The following OTUD4 variants were observed in gnomAD, a reference collection of about 807,000 sequenced individuals.
OTUD4 encodes the protein OTU deubiquitinase 4.
OTUD4 carries 24 observed loss-of-function variants against 130.4 expected under a neutral mutation model. That is an observed-to-expected ratio of 0.18 (90% CI 0.13 to 0.26). The LOEUF is 0.26. Ranked by LOEUF, OTUD4 falls within the 10% of genes least tolerant of loss-of-function variation. The probability of loss-of-function intolerance (pLI) is 1.00; values close to 1 mark genes in which losing one functional copy is unlikely to be tolerated. For missense variants in OTUD4, 1,031 were observed against 1,329.4 expected (o/e 0.78, Z 3.49); for synonymous variants, 420 against 472.5 (o/e 0.89, Z 1.44).
chr4:145,175,029 C>G (rs1441404525), intron 1 of OTUD4, among the ~76,000 whole-genome samples: 1 of 152,190 alleles, frequency 6.6e-6, no homozygotes, highest in African/African-American at 2.4e-5. Context: ...CACTCTCTTC[C>G]CTTGGCCTTC....
At chr4:145,166,495 C>T (rs1751881846) in intron 3 of OTUD4, among the ~76,000 whole-genome samples, 1 of 149,326 alleles carries the variant, frequency 6.7e-6, no homozygotes, top group African/African-American at 2.5e-5. Context: ...TTATTTGTAA[C>T]AGTGTTTAAA....
chr4:145,143,487 C>G (rs1750682619), intron 16 of OTUD4, 42 bp from the exon 17 acceptor site: 4 of 1,182,716 alleles, frequency 3.4e-6, no homozygotes, highest in Non-Finnish European at 5.0e-6. Flanking sequence ...ATTTCAGAGA[C>G]CCACATTCTG....
chr4:145,148,896 G>A (rs543211432), intron 13 of OTUD4, among the ~76,000 whole-genome samples: 31 of 152,228 alleles, frequency 2.0e-4, no homozygotes, highest in African/African-American at 7.2e-4. Flanking sequence ...ACTGGAGTTT[G>A]GTCAATGTCC....
Position 145,155,480 on chromosome 4 carries a change from T to TAA in OTUD4, c.809-7_809-6dup. 2.2e-5 allele frequency: 29 copies of TAA among 1,334,486 alleles called. No individual in the cohort carries two copies. The highest frequency in any genetic ancestry group is 1.9e-4 in the Middle Eastern group (1 of 5,198). 82.7% of individuals were successfully genotyped at this position (1,334,486 alleles called of 1,614,324 possible). The stretch of plus-strand genomic sequence containing the variant: ...AATAATCACGTTTTTGCTGAGCTGT[T>TAA]AAAAAAAAAAAGGTCAGTATAATAT... On this transcript the variant is annotated splice_polypyrimidine_tract_variant and splice_region_variant and intron_variant, in intron 9 of 20. Transcript: ENST00000447906.
intron 3 of OTUD4, among the ~76,000 whole-genome samples, chr4:145,168,853 T>C (rs1163990594): frequency 6.6e-6 from 1 of 152,234 alleles, no homozygotes; most frequent in Non-Finnish European, 1.5e-5. Flanking sequence ...TAAGCAATTG[T>C]TCACAGCAGC....
In OTUD4 at chr4:145,142,772, ACTC is replaced by A. The variant is rs1475652656; in HGVS notation, c.1684-441_1684-439del. Among the ~76,000 whole-genome samples the A allele has an allele frequency of 4.6e-5, 7 of 151,840 alleles. No individual in the cohort carries two copies. The East Asian group carries it at 1.3e-3, about 29-fold the overall frequency. ...TTGAAATTCATGATTATTTAGAAAA[ACTC>A]CTCATGTAACTATATGCTTTCTTAC... is the stretch of plus-strand genomic sequence containing the variant. On this transcript the variant is annotated intron_variant, in intron 17 of 20. Coordinates refer to ENST00000447906, the MANE Select transcript of OTUD4 (RefSeq NM_001366057.1).
intron 2 of OTUD4, among the ~76,000 whole-genome samples, chr4:145,173,940 C>T (rs1752298167): frequency 6.6e-6 from 1 of 152,000 alleles, no homozygotes; most frequent in Non-Finnish European, 1.5e-5. Flanking sequence ...CCTATGAATG[C>T]CTTCTGATAA....
chr4:145,149,950 A>C (rs893383778), intron 13 of OTUD4, among the ~76,000 whole-genome samples: 3 of 152,236 alleles, frequency 2.0e-5, no homozygotes, highest in Non-Finnish European at 4.4e-5. Flanking sequence ...AGACTAGGGA[A>C]AAATTAAAAT....
intron 3 of OTUD4, among the ~76,000 whole-genome samples, chr4:145,165,952 G>A (rs368352914): frequency 2.9e-4 from 44 of 151,932 alleles, no homozygotes; most frequent in African/African-American, 9.6e-4. Flanking sequence ...ACCTGAGGTC[G>A]GGAGTTCGAG....
chr4:145,141,811 A>G (rs1750575816), intron 18 of OTUD4, among the ~76,000 whole-genome samples, 172 bp from the exon 19 acceptor site: 1 of 152,194 alleles, frequency 6.6e-6, no homozygotes, highest in Non-Finnish European at 1.5e-5. Flanking sequence ...CGTCCAGGAT[A>G]CAAGCTCTGA....
At chr4:145,153,005 G>T (rs1320414257) in intron 10 of OTUD4, among the ~76,000 whole-genome samples, 2 of 152,024 alleles carry the variant, frequency 1.3e-5, no homozygotes, top group South Asian at 2.1e-4. Context: ...GAAGTGCTGG[G>T]ATTACAGGCG....
rs1410264195 is a variant in OTUD4, at chr4:145,180,046, C to T, written c.-73G>A. ...TGGCCAGGCCGCCGGCTGCTCGACG[C>T]CCCGGCCTGGGGCAGGCGGCGGCTC... is the stretch of plus-strand genomic sequence containing the variant. On this transcript the variant is annotated 5_prime_UTR_variant, in exon 1 of 21. Transcript: ENST00000447906. The T allele has an allele frequency of 9.0e-6, 11 of 1,224,946 alleles. No individual in the cohort carries two copies. The highest frequency in any genetic ancestry group is 4.8e-5 in the African/African-American group (3 of 62,070). 75.9% of individuals were successfully genotyped at this position (1,224,946 alleles called of 1,614,324 possible). A position where few individuals can be genotyped will look rare whatever the true frequency, so the allele number is the denominator to read the frequency against.
chr4:145,160,055 G>A (rs1751482695), intron 6 of OTUD4, among the ~76,000 whole-genome samples: 1 of 152,202 alleles, frequency 6.6e-6, no homozygotes, highest in Admixed American at 6.5e-5. Context: ...TAAGGAAACT[G>A]AGACTTAGGG....
chr4:145,172,537 G>A (rs780610145), intron 2 of OTUD4, among the ~76,000 whole-genome samples: 3 of 152,030 alleles, frequency 2.0e-5, no homozygotes, highest in Admixed American at 2.0e-4. Context: ...AATAGCAATC[G>A]CACTCATTTG....
chr4:145,177,042 A>G (rs1435319112), intron 1 of OTUD4, among the ~76,000 whole-genome samples: 2 of 152,246 alleles, frequency 1.3e-5, no homozygotes, highest in Non-Finnish European at 2.9e-5. Flanking sequence ...AGGACTATCT[A>G]TATATAAAAA....
intron 8 of OTUD4, 66 bp from the exon 9 acceptor site, chr4:145,155,752 C>G: frequency 8.7e-7 from 1 of 1,146,416 alleles, no homozygotes; most frequent in Admixed American, 2.3e-5. Flanking sequence ...TTGAGATACA[C>G]GTAAAACTAA....
chr4:145,153,505 C>A (rs987176091), intron 10 of OTUD4, among the ~76,000 whole-genome samples: 4 of 152,208 alleles, frequency 2.6e-5, no homozygotes, highest in African/African-American at 9.6e-5. Context: ...AACCACTCTA[C>A]AAGTGAGAGC....
At position 145,137,478 on chromosome 4, in the gene OTUD4, A is replaced by G; in HGVS notation, c.3297T>C (p.Asp1099=). ...RNVRGRPFRG[D]RRRSGMGDGH... is the part of the protein sequence containing the mutation. ...CATCTCCCATCCCTGATCTCCTCCT[A>G]TCTCCCCTAAATGGTCGCCCTCTGA... Residue 1099 remains aspartate, a synonymous_variant, in exon 21 of 21, where the codon GAT becomes GAC. Transcript: ENST00000447906. 15 of 1,612,164 alleles carry G rather than the reference A, an allele frequency of 9.3e-6. No individual in the cohort carries two copies. Among genetic ancestry groups the G allele is most frequent in the Non-Finnish European group, 1.3e-5 (15 of 1,178,924 alleles).
chr4:145,146,463 T>A (rs780522770), intron 13 of OTUD4, 34 bp from the exon 14 acceptor site: 10 of 954,464 alleles, frequency 1.0e-5, no homozygotes, highest in Admixed American at 3.8e-5. Flanking sequence ...AGAAAATACA[T>A]AAATAAATAA....
Sources: gnomAD v4.1 joint callset for allele counts (sites outside exome capture counted in the v4.1 genomes callset) on GRCh38, gnomAD v4.1.1 for gene constraint, MANE v1.5 for transcripts, NCBI Gene and HGNC (gene_info 2026-07-23, HGNC 2026-07-21) for gene names.